Variants in AGBL4 observed in about 807,000 individuals in gnomAD.
AGBL4 encodes AGBL carboxypeptidase 4.
A neutral mutation model predicts 66.4 loss-of-function variants in AGBL4; 58 were observed. The ratio of observed to expected loss-of-function variants is 0.87; its 90% CI spans 0.71 to 1.09. The LOEUF (loss-of-function observed/expected upper bound fraction) is 1.09. AGBL4 is among the 50% of genes least tolerant of loss of function. The pLI is 0.00. For synonymous variants in AGBL4, 234 were observed against 222.9 expected, an observed-to-expected ratio of 1.05 and a Z score of -0.44; for missense variants, 579 against 631.0, an observed-to-expected ratio of 0.92 and a Z score of 0.88.
rs781019295 is a variant in AGBL4, at chr1:49,851,387, T to A, written c.157+9A>T. 18 of 1,542,082 alleles carry A rather than the reference T, an allele frequency of 1.2e-5. No homozygotes were observed. The highest frequency in any genetic ancestry group is 1.6e-5 in the Non-Finnish European group (18 of 1,143,626). ...CAAACTTAAAAGGAAAAGCCTTTAA[T>A]ATACTTACCACTTTCAAAGCAAGCA... On this transcript the variant is annotated intron_variant, in intron 2 of 13. Transcript: ENST00000371839.
At position 48,727,164 on chromosome 1, in the gene AGBL4, G is replaced by A. The variant is rs76799589; in HGVS notation, c.635-63923C>T. 4.6e-3 allele frequency among the ~76,000 whole-genome samples: 695 copies of A among 152,244 alleles called. 8 individuals are homozygous for A. Among genetic ancestry groups the A allele is most frequent in the African/African-American group, 0.016 (658 of 41,538 alleles). Reference sequence around the variant, plus strand: ...AGATACAAGATAGGATGAAAGAACCGATACCAGGTAACATTGCCCCTAGTT... The same window carrying A: ...AGATACAAGATAGGATGAAAGAACCAATACCAGGTAACATTGCCCCTAGTT... On this transcript the variant is annotated intron_variant, in intron 6 of 13. Transcript: ENST00000371839.
chr1:49,948,398 A>C (rs1380726501), intron 1 of AGBL4, among the ~76,000 whole-genome samples: 5 of 113,764 alleles, frequency 4.4e-5, no homozygotes, highest in Non-Finnish European at 8.3e-5. Context: ...TAAATATATA[A>C]ATATATATAA....
At chr1:48,601,059 C>T (rs1232999032) in intron 9 of AGBL4, among the ~76,000 whole-genome samples, 3 of 152,148 alleles carry the variant, frequency 2.0e-5, no homozygotes, top group East Asian at 1.9e-4. Context: ...ATGATGAACT[C>T]CTGACCTCTG....
Position 49,921,239 on chromosome 1 carries a change from CTT to C in AGBL4, c.35-69723_35-69722del, listed in dbSNP as rs1652203058. ...ATGTACCCTAGAACTCAAAGTATAA[CTT>C]TTAAAAAAAAGAAAAAAAAACAAAC... On this transcript the variant is annotated intron_variant, in intron 1 of 13. Coordinates refer to ENST00000371839, the MANE Select transcript of AGBL4 (RefSeq NM_032785.4). Among the ~76,000 whole-genome samples, 4 of 150,610 alleles carry C rather than the reference CTT, an allele frequency of 2.7e-5. No homozygotes were observed. In the South Asian group the frequency reaches 8.4e-4, roughly 32 times the overall value.
At chr1:48,855,145 G>A (rs17105009) in intron 6 of AGBL4, among the ~76,000 whole-genome samples, 1,980 of 152,242 alleles carry the variant, frequency 0.013, 40 homozygotes, top group African/African-American at 0.043. Flanking sequence ...GCCTAATAGT[G>A]AAGGTCTTAA....
At chr1:48,618,770 T>C (rs1281043221) in intron 9 of AGBL4, among the ~76,000 whole-genome samples, 1 of 152,216 alleles carries the variant, frequency 6.6e-6, no homozygotes, top group African/African-American at 2.4e-5. Flanking sequence ...TTACCTAGCA[T>C]GCTCAATCTT....
chr1:49,755,943 G>C (rs193194412), intron 2 of AGBL4, among the ~76,000 whole-genome samples: 1 of 152,112 alleles, frequency 6.6e-6, no homozygotes, highest in East Asian at 1.9e-4. Flanking sequence ...CTGTTATCTG[G>C]CTCCTTTATT....
intron 6 of AGBL4, among the ~76,000 whole-genome samples, chr1:48,790,474 C>T (rs1645523003): frequency 6.6e-6 from 1 of 152,006 alleles, no homozygotes; most frequent in Non-Finnish European, 1.5e-5. Context: ...AGTTATGAAA[C>T]AGAAACAGAT....
intron 1 of AGBL4, among the ~76,000 whole-genome samples, chr1:49,943,322 G>A (rs1654933974): frequency 6.6e-6 from 1 of 152,198 alleles, no homozygotes; most frequent in Non-Finnish European, 1.5e-5. Flanking sequence ...AGAGCAGCAT[G>A]TGAAGTACTG....
chr1:48,694,057 A>G (rs6696757), intron 6 of AGBL4, among the ~76,000 whole-genome samples: 43 of 130,012 alleles, frequency 3.3e-4, no homozygotes, highest in African/African-American at 1.5e-3. Context: ...TCAAAAAAAA[A>G]AAAAAAAAAA....
intron 5 of AGBL4, among the ~76,000 whole-genome samples, chr1:48,920,108 T>C (rs12029818): frequency 0.094 from 14,253 of 152,190 alleles, 761 homozygotes; most frequent in Non-Finnish European, 0.11. Context: ...GGTAGGTGAA[T>C]ACCATTGTTC....
At chr1:50,018,366 A>G (rs1662150553) in intron 1 of AGBL4, among the ~76,000 whole-genome samples, 1 of 152,174 alleles carries the variant, frequency 6.6e-6, no homozygotes, top group Non-Finnish European at 1.5e-5. Flanking sequence ...AAAGATTAGC[A>G]TATTCCAATA....
intron 5 of AGBL4, among the ~76,000 whole-genome samples, chr1:48,868,775 A>G (rs1227997518): frequency 6.6e-6 from 1 of 152,108 alleles, no homozygotes; most frequent in Non-Finnish European, 1.5e-5. Flanking sequence ...AATTGTATAA[A>G]CTGCTTCTGT....
At chr1:48,933,306 T>G (rs1309759140) in intron 5 of AGBL4, among the ~76,000 whole-genome samples, 2 of 152,212 alleles carry the variant, frequency 1.3e-5, no homozygotes, top group South Asian at 4.1e-4. Flanking sequence ...TAGTTTAGCC[T>G]CCTACTTAGT....
chr1:48,926,176 A>T (rs188646162), intron 5 of AGBL4, among the ~76,000 whole-genome samples: 2 of 152,344 alleles, frequency 1.3e-5, no homozygotes, highest in African/African-American at 2.4e-5. Flanking sequence ...CATCAAGAAG[A>T]GCAAGACGCT....
intron 2 of AGBL4, among the ~76,000 whole-genome samples, chr1:49,789,643 C>T (rs1055623170): frequency 6.6e-6 from 1 of 152,120 alleles, no homozygotes; most frequent in African/African-American, 2.4e-5. Flanking sequence ...TGAAGGACCT[C>T]TTCAAGGAGA....
intron 6 of AGBL4, among the ~76,000 whole-genome samples, chr1:48,833,657 T>C (rs116458518): frequency 0.012 from 1,771 of 152,264 alleles, 32 homozygotes; most frequent in African/African-American, 0.04. Context: ...CTCATGAACT[T>C]AATCAGCCAT....
chr1:49,330,549 T>C (rs764084045), intron 3 of AGBL4, among the ~76,000 whole-genome samples: 1 of 152,254 alleles, frequency 6.6e-6, no homozygotes, highest in Non-Finnish European at 1.5e-5. Flanking sequence ...AGCATTTCTA[T>C]AGTATTTAAC....
chr1:49,540,211 T>C (rs2148823241), intron 3 of AGBL4, among the ~76,000 whole-genome samples: 1 of 152,318 alleles, frequency 6.6e-6, no homozygotes, highest in East Asian at 1.9e-4. Context: ...CTCTTTACTC[T>C]CCCCATAAAC....
Sources: allele counts gnomAD v4.1 joint callset (sites outside exome capture counted in the v4.1 genomes callset), GRCh38; gene constraint gnomAD v4.1.1; transcripts MANE v1.5; gene names NCBI Gene and HGNC (gene_info 2026-07-23, HGNC 2026-07-21).